The following FSTL5 variants were observed in gnomAD, a reference collection of about 807,000 sequenced individuals.
FSTL5 encodes follistatin-related protein 5.
A neutral mutation model predicts 89.1 loss-of-function variants in FSTL5; 62 were observed. The ratio of observed to expected loss-of-function variants is 0.70; its 90% confidence interval spans 0.57 to 0.86. FSTL5 has a LOEUF of 0.86. FSTL5 is among the 40% of genes least tolerant of loss of function. FSTL5 has a pLI of 0.00. For missense variants in FSTL5, 1,057 were observed against 1,001.6 expected (o/e 1.06, Z -0.75); for synonymous variants, 383 against 346.2 (o/e 1.11, Z -1.18).
intron 1 of FSTL5, among the ~76,000 whole-genome samples, chr4:162,162,664 T>C (rs1008470898): frequency 6.6e-6 from 1 of 152,232 alleles, no homozygotes; most frequent in Non-Finnish European, 1.5e-5. Context: ...CACTGAATTC[T>C]TTCTCTGTAC....
At chr4:161,428,700 G>A (rs1362056051) in intron 15 of FSTL5, among the ~76,000 whole-genome samples, 1 of 152,066 alleles carries the variant, frequency 6.6e-6, no homozygotes, top group African/African-American at 2.4e-5. Flanking sequence ...GAGCCATTGA[G>A]TCCTGAATAA....
intron 6 of FSTL5, among the ~76,000 whole-genome samples, chr4:161,665,390 C>A (rs1326250245): frequency 6.6e-6 from 1 of 152,092 alleles, no homozygotes; most frequent in Admixed American, 6.6e-5. Flanking sequence ...CCCGCTACCT[C>A]GCCTGGCTAA....
chr4:162,100,776 G>A (rs543967652), intron 2 of FSTL5, among the ~76,000 whole-genome samples: 2 of 152,234 alleles, frequency 1.3e-5, no homozygotes, highest in South Asian at 4.1e-4. Flanking sequence ...GGGGTATAGA[G>A]TGACTCTTTG....
intron 7 of FSTL5, among the ~76,000 whole-genome samples, chr4:161,645,017 G>A (rs1393663187): frequency 6.6e-6 from 1 of 152,092 alleles, no homozygotes; most frequent in Non-Finnish European, 1.5e-5. Context: ...AACACTGCAA[G>A]TACATAGGGT....
chr4:161,491,021 A>AAAG (rs1729853558), intron 12 of FSTL5, among the ~76,000 whole-genome samples: 1 of 152,010 alleles, frequency 6.6e-6, no homozygotes. Context: ...AACAGAAATA[A>AAAG]AAGGCACGTT....
chr4:161,842,060 T>G (rs1731227666), intron 4 of FSTL5, among the ~76,000 whole-genome samples: 1 of 152,090 alleles, frequency 6.6e-6, no homozygotes, highest in Non-Finnish European at 1.5e-5. Context: ...AGCTGCAAAT[T>G]GACAGCTGGT....
intron 11 of FSTL5, among the ~76,000 whole-genome samples, chr4:161,501,730 T>A (rs1377155233): frequency 3.3e-5 from 5 of 151,946 alleles, no homozygotes; most frequent in African/African-American, 9.7e-5. Context: ...TCAAGTCACG[T>A]TTTATATAAA....
At chr4:161,471,338 T>G in intron 13 of FSTL5, among the ~76,000 whole-genome samples, 1 of 152,262 alleles carries the variant, frequency 6.6e-6, no homozygotes, top group East Asian at 1.9e-4. Flanking sequence ...TTCATTTTGT[T>G]AAGTCTGTTT....
At chr4:161,420,445 T>C (rs1312351742) in intron 15 of FSTL5, among the ~76,000 whole-genome samples, 1 of 152,172 alleles carries the variant, frequency 6.6e-6, no homozygotes, top group Non-Finnish European at 1.5e-5. Context: ...TATCTTTTGA[T>C]TTAAAGAGAG....
intron 6 of FSTL5, among the ~76,000 whole-genome samples, chr4:161,721,593 C>A (rs62330797): frequency 6.6e-6 from 1 of 152,062 alleles, no homozygotes; most frequent in Non-Finnish European, 1.5e-5. Flanking sequence ...AAAGTAGGGG[C>A]CCAAACCCCA....
intron 7 of FSTL5, among the ~76,000 whole-genome samples, chr4:161,617,874 C>T (rs980759480): frequency 6.6e-6 from 1 of 152,176 alleles, no homozygotes; most frequent in Non-Finnish European, 1.5e-5. Flanking sequence ...TTAAGAAATG[C>T]TTAATGGGGA....
At chr4:161,863,229 G>T (rs1015658564) in intron 4 of FSTL5, among the ~76,000 whole-genome samples, 1 of 152,196 alleles carries the variant, frequency 6.6e-6, no homozygotes, top group Non-Finnish European at 1.5e-5. Flanking sequence ...AAATGATCTT[G>T]TTAGATGTAA....
At chr4:161,869,333 T>C (rs1460765823) in intron 4 of FSTL5, among the ~76,000 whole-genome samples, 1 of 152,218 alleles carries the variant, frequency 6.6e-6, no homozygotes, top group Non-Finnish European at 1.5e-5. Flanking sequence ...AGAAAGTATA[T>C]TAAAGTTGTT....
At chr4:161,824,903 G>A (rs1423433174) in intron 4 of FSTL5, among the ~76,000 whole-genome samples, 2 of 151,994 alleles carry the variant, frequency 1.3e-5, no homozygotes, top group African/African-American at 2.4e-5. Flanking sequence ...TTGTCTGATT[G>A]TTCTAGCTAG....
At chr4:161,482,308 T>C (rs1165005015) in intron 12 of FSTL5, among the ~76,000 whole-genome samples, 1 of 150,282 alleles carries the variant, frequency 6.7e-6, no homozygotes, top group African/African-American at 2.5e-5. Context: ...AGAGCGAGAC[T>C]CCGTCTCAAA....
chr4:161,600,272 T>C (rs1734184739), intron 7 of FSTL5, among the ~76,000 whole-genome samples: 1 of 151,786 alleles, frequency 6.6e-6, no homozygotes, highest in Non-Finnish European at 1.5e-5. Flanking sequence ...GATGTATACA[T>C]TTATGGTAAA....
chr4:161,739,032 C>T (rs1489305022), intron 6 of FSTL5, among the ~76,000 whole-genome samples: 2 of 152,162 alleles, frequency 1.3e-5, no homozygotes, highest in Non-Finnish European at 2.9e-5. Flanking sequence ...TTTTTGTACA[C>T]ATAATTCCTG....
intron 3 of FSTL5, among the ~76,000 whole-genome samples, chr4:162,014,975 A>T (rs556113985): frequency 1.3e-5 from 2 of 152,190 alleles, no homozygotes; most frequent in African/African-American, 2.4e-5. Context: ...TTGAGAAGAG[A>T]TAGTGGCTTG....
intron 6 of FSTL5, among the ~76,000 whole-genome samples, chr4:161,755,269 C>T (rs1456447255): frequency 6.6e-6 from 1 of 151,834 alleles, no homozygotes; most frequent in Non-Finnish European, 1.5e-5. Context: ...CCATTCAATA[C>T]CTATGATAAA....
Sources: gnomAD v4.1 joint callset for allele counts (sites outside exome capture counted in the v4.1 genomes callset) on GRCh38, gnomAD v4.1.1 for gene constraint, MANE v1.5 for transcripts, NCBI Gene and HGNC (gene_info 2026-07-23, HGNC 2026-07-21) for gene names.